Variants in CNTNAP5 observed in about 807,000 individuals in gnomAD.
The protein encoded by CNTNAP5 is contactin-associated protein-like 5.
A neutral mutation model predicts 150.2 loss-of-function variants in CNTNAP5; 72 were observed. That is an observed-to-expected ratio of 0.48 (90% CI 0.40 to 0.58). The LOEUF (loss-of-function observed/expected upper bound fraction) is 0.58, where lower values mean the gene tolerates loss of function less well. CNTNAP5 is among the 20% of genes least tolerant of loss of function. The pLI is 0.00. For synonymous variants in CNTNAP5, 672 were observed against 619.8 expected (o/e 1.08, Z -1.25); for missense variants, 1,636 against 1,626.2 (o/e 1.01, Z -0.10).
intron 7 of CNTNAP5, among the ~76,000 whole-genome samples, chr2:124,493,329 AATT>A (rs753590653): frequency 4.7e-4 from 71 of 150,892 alleles, no homozygotes; most frequent in African/African-American, 1.4e-3. Context: ...AAAAATATTT[AATT>A]ATTATTATCA....
intron 7 of CNTNAP5, among the ~76,000 whole-genome samples, chr2:124,504,086 T>C (rs924067938): frequency 1.8e-4 from 28 of 152,124 alleles, no homozygotes; most frequent in African/African-American, 6.0e-4. Context: ...TCTTTGCAGA[T>C]AGCATTGTGA....
chr2:124,365,651 T>A (rs1024098370), intron 3 of CNTNAP5, among the ~76,000 whole-genome samples: 1 of 152,204 alleles, frequency 6.6e-6, no homozygotes, highest in African/African-American at 2.4e-5. Flanking sequence ...GATCCAGCTT[T>A]ACTACCTCTT....
intron 3 of CNTNAP5, among the ~76,000 whole-genome samples, chr2:124,361,847 C>T (rs1036360901): frequency 2.6e-5 from 4 of 152,178 alleles, no homozygotes; most frequent in South Asian, 2.1e-4. Flanking sequence ...CCAGTTCGAG[C>T]TTCCCAGCTG....
intron 17 of CNTNAP5, among the ~76,000 whole-genome samples, chr2:124,788,067 T>A (rs927337694): frequency 6.6e-6 from 1 of 152,216 alleles, no homozygotes; most frequent in Non-Finnish European, 1.5e-5. Flanking sequence ...CATCCATATG[T>A]GTAGACTTGA....
At chr2:124,153,537 G>A (rs866513270) in intron 1 of CNTNAP5, among the ~76,000 whole-genome samples, 2 of 151,600 alleles carry the variant, frequency 1.3e-5, no homozygotes, top group South Asian at 2.1e-4. Context: ...CCTGCTTCTC[G>A]GTTCATAGAC....
At chr2:124,665,448 C>G (rs1001842062) in intron 13 of CNTNAP5, among the ~76,000 whole-genome samples, 1 of 152,204 alleles carries the variant, frequency 6.6e-6, no homozygotes, top group African/African-American at 2.4e-5. Flanking sequence ...TCAACATCAA[C>G]TGACGAGCAA....
chr2:124,849,335 TG>T (rs1451424075), intron 19 of CNTNAP5, among the ~76,000 whole-genome samples: 1 of 152,212 alleles, frequency 6.6e-6, no homozygotes, highest in Non-Finnish European at 1.5e-5. Context: ...TTAGTCTATG[TG>T]TCTGTTTTGA....
At chr2:124,309,076 A>G (rs905663788) in intron 3 of CNTNAP5, among the ~76,000 whole-genome samples, 10 of 152,210 alleles carry the variant, frequency 6.6e-5, no homozygotes, top group Non-Finnish European at 1.0e-4. Context: ...CACCTATAAT[A>G]ATGTTTAACT....
chr2:124,038,912 C>A (rs1307912269), intron 1 of CNTNAP5, among the ~76,000 whole-genome samples: 2 of 152,200 alleles, frequency 1.3e-5, no homozygotes, highest in African/African-American at 4.8e-5. Flanking sequence ...AGCAGCAGAG[C>A]CACACTGGGT....
intron 1 of CNTNAP5, among the ~76,000 whole-genome samples, chr2:124,050,583 C>G (rs1035800631): frequency 2.0e-5 from 3 of 152,084 alleles, no homozygotes; most frequent in Non-Finnish European, 2.9e-5. Context: ...CCGGGGTGCT[C>G]CAGATTTCAA....
intron 18 of CNTNAP5, among the ~76,000 whole-genome samples, chr2:124,791,453 T>A (rs994376642): frequency 6.6e-6 from 1 of 152,166 alleles, no homozygotes; most frequent in African/African-American, 2.4e-5. Context: ...GGCGGAGGTC[T>A]CTGAACAACT....
intron 3 of CNTNAP5, among the ~76,000 whole-genome samples, chr2:124,393,994 A>G (rs1289793508): frequency 2.0e-5 from 3 of 152,198 alleles, no homozygotes; most frequent in Non-Finnish European, 4.4e-5. Flanking sequence ...ACCCAGTTAC[A>G]TTTTATATAA....
chr2:124,915,295 C>G lies in CNTNAP5; in HGVS notation c.*1007C>G, dbSNP rs1054070577. 6.0e-6 allele frequency: 1 copy of G among 165,796 alleles called. No individual in the cohort carries two copies. The highest frequency in any genetic ancestry group is 2.4e-5 in the African/African-American group (1 of 41,066). 10.3% of individuals were successfully genotyped at this position (165,796 alleles called of 1,614,324 possible). A position where few individuals can be genotyped will look rare whatever the true frequency, so the allele number is the denominator to read the frequency against. ...TTGAAATAAAAGTTTAAAATAGTACCCGGTTCAATGAAAGAGCCTAAACCA... is the reference window on the plus strand; with the variant it reads ...TTGAAATAAAAGTTTAAAATAGTACGCGGTTCAATGAAAGAGCCTAAACCA... On this transcript the variant is annotated 3_prime_UTR_variant, in exon 24 of 24. Transcript: ENST00000682447.
At chr2:124,718,745 C>A (rs1158112220) in intron 13 of CNTNAP5, among the ~76,000 whole-genome samples, 4 of 151,980 alleles carry the variant, frequency 2.6e-5, no homozygotes, top group African/African-American at 9.7e-5. Context: ...AGATCAAGAT[C>A]ATCCTGGCCA....
intron 20 of CNTNAP5, 93 bp from the exon 21 acceptor site, chr2:124,869,582 T>G: frequency 1.3e-6 from 1 of 758,462 alleles, no homozygotes; most frequent in Admixed American, 2.1e-5. Context: ...GCTATCTGTA[T>G]GCATTTTTTC....
intron 1 of CNTNAP5, among the ~76,000 whole-genome samples, chr2:124,190,133 T>C (rs1243055152): frequency 2.0e-5 from 3 of 152,222 alleles, no homozygotes; most frequent in African/African-American, 4.8e-5. Flanking sequence ...TAGACCACTT[T>C]TTCTAAGTAC....
intron 1 of CNTNAP5, among the ~76,000 whole-genome samples, chr2:124,102,474 G>T (rs1185270229): frequency 6.6e-6 from 1 of 152,172 alleles, no homozygotes; most frequent in Non-Finnish European, 1.5e-5. Context: ...TGGCTTTGTA[G>T]CCTCACTTCA....
intron 1 of CNTNAP5, among the ~76,000 whole-genome samples, chr2:124,123,949 G>A (rs1160234310): frequency 6.6e-6 from 1 of 152,128 alleles, no homozygotes; most frequent in Admixed American, 6.5e-5. Context: ...CACAAAGATG[G>A]AGAGAAACCA....
chr2:124,683,165 A>G (rs77861165), intron 13 of CNTNAP5, among the ~76,000 whole-genome samples: 7,184 of 152,242 alleles, frequency 0.047, 557 homozygotes, highest in African/African-American at 0.16. Flanking sequence ...TGGCTGATGT[A>G]TGAATCTCAG....
Sources: gnomAD v4.1 joint callset for allele counts (sites outside exome capture counted in the v4.1 genomes callset) on GRCh38, gnomAD v4.1.1 for gene constraint, MANE v1.5 for transcripts, NCBI Gene and HGNC (gene_info 2026-07-23, HGNC 2026-07-21) for gene names.